RPRD2: variants seen among roughly 807,000 people sequenced by gnomAD.
RPRD2 encodes regulation of nuclear pre-mRNA domain-containing protein 2.
In RPRD2, 12 loss-of-function variants were observed where a neutral mutation model predicts 104.4. That is an observed-to-expected ratio of 0.11 (90% CI 0.07 to 0.19). The LOEUF (loss-of-function observed/expected upper bound fraction) is 0.19. RPRD2 is among the 10% of genes least tolerant of loss of function. RPRD2 has a pLI of 1.00. For missense variants in RPRD2, 1,543 were observed against 1,790.1 expected (o/e 0.86, Z 2.49); for synonymous variants, 714 against 684.9 (o/e 1.04, Z -0.66).
chr1:150,380,194 A>C (rs1203051745), intron 1 of RPRD2, among the ~76,000 whole-genome samples: 2 of 152,190 alleles, frequency 1.3e-5, no homozygotes, highest in African/African-American at 4.8e-5. Context: ...TTTAATTCCA[A>C]AAGTGTTAGA....
intron 2 of RPRD2, among the ~76,000 whole-genome samples, chr1:150,436,645 G>A (rs1428246177): frequency 6.6e-6 from 1 of 151,486 alleles, no homozygotes; most frequent in African/African-American, 2.4e-5. Flanking sequence ...GCTCACACCT[G>A]TAATCCCAGC....
intron 2 of RPRD2, among the ~76,000 whole-genome samples, chr1:150,418,578 A>C (rs1396376456): frequency 3.3e-5 from 5 of 152,202 alleles, no homozygotes; most frequent in Non-Finnish European, 7.4e-5. Flanking sequence ...ATTCCTATGA[A>C]ATGATCAGAG....
At chr1:150,444,492 C>A in intron 6 of RPRD2, 115 bp downstream of exon 6, 2 of 995,242 alleles carry the variant, frequency 2.0e-6, no homozygotes, top group Non-Finnish European at 2.9e-6. Context: ...GCAGTTGTGG[C>A]ACCTCTGGTT....
intron 1 of RPRD2, among the ~76,000 whole-genome samples, chr1:150,371,741 C>T (rs1439857603): frequency 6.6e-6 from 1 of 152,174 alleles, no homozygotes; most frequent in African/African-American, 2.4e-5. Context: ...AGAATTCAAA[C>T]CCAGGCATTC....
chr1:150,426,738 T>C (rs1019855100), intron 2 of RPRD2, among the ~76,000 whole-genome samples: 2 of 152,230 alleles, frequency 1.3e-5, no homozygotes, highest in East Asian at 1.9e-4. Flanking sequence ...GGAGTTATTG[T>C]TCAATGGGTA....
At chr1:150,409,692 AG>A (rs1326511793) in intron 1 of RPRD2, among the ~76,000 whole-genome samples, 1 of 123,168 alleles carries the variant, frequency 8.1e-6, no homozygotes, top group Non-Finnish European at 1.6e-5. Flanking sequence ...TCTTTCACCC[AG>A]GCTGAAGTGC....
intron 2 of RPRD2, among the ~76,000 whole-genome samples, chr1:150,426,420 A>G (rs1219474858): frequency 2.0e-5 from 3 of 152,170 alleles, no homozygotes; most frequent in Non-Finnish European, 4.4e-5. Context: ...CAGTTTTCCC[A>G]TCTGTAAAAT....
chr1:150,405,454 T>A (rs1663396283), intron 1 of RPRD2, among the ~76,000 whole-genome samples: 1 of 152,110 alleles, frequency 6.6e-6, no homozygotes, highest in Non-Finnish European at 1.5e-5. Context: ...ATATGCATGA[T>A]TTGTGCTATA....
At chr1:150,450,188 G>T (rs1368607696) in intron 7 of RPRD2, among the ~76,000 whole-genome samples, 2 of 152,104 alleles carry the variant, frequency 1.3e-5, no homozygotes, top group African/African-American at 2.4e-5. Flanking sequence ...CTTAAGTCCA[G>T]TATGAAGACC....
chr1:150,364,828 G>T lies in RPRD2; in HGVS notation c.114G>T (p.Met38Ile). Reference protein sequence around the residue: ...DRKFQSVTNTMESIQGLSSWC... With the variant: ...DRKFQSVTNTIESIQGLSSWC... ...AATTCCAGTCGGTAACCAACACCAT[G>T]GAGTCCATTCAAGGCTTGTCGTCTT... Residue 38 changes from methionine to isoleucine, a missense_variant, in exon 1 of 11, where the codon ATG (methionine) becomes ATT (isoleucine). By Grantham distance (10) the Met-to-Ile change is conservative. Around this residue, in one of 4 missense-constraint regions of RPRD2, gnomAD observed 88 missense variants for 96.6 expected, o/e 0.91. Transcript: ENST00000369068. The T allele has an allele frequency of 6.2e-7, 1 of 1,613,932 alleles. No individual in the cohort carries two copies. The highest frequency in any genetic ancestry group is 8.5e-7 in the Non-Finnish European group (1 of 1,179,822).
At chr1:150,390,500 AAAAT>A (rs587743807) in intron 1 of RPRD2, among the ~76,000 whole-genome samples, 14 of 151,940 alleles carry the variant, frequency 9.2e-5, no homozygotes, top group Non-Finnish European at 1.8e-4. Context: ...TCCGTCTCAA[AAAAT>A]AAATAAATAA....
chr1:150,429,311 C>T (rs781969291), intron 2 of RPRD2, among the ~76,000 whole-genome samples: 1 of 151,964 alleles, frequency 6.6e-6, no homozygotes, highest in Non-Finnish European at 1.5e-5. Flanking sequence ...AGGCTGGTCT[C>T]GAACTCCCAA....
chr1:150,403,656 T>TA (rs1271756322), intron 1 of RPRD2, among the ~76,000 whole-genome samples: 1 of 93,092 alleles, frequency 1.1e-5, no homozygotes, highest in African/African-American at 5.2e-5. Context: ...TTACCCAATA[T>TA]TTTTTTTTGT....
chr1:150,385,632 T>C (rs1452479526), intron 1 of RPRD2, among the ~76,000 whole-genome samples: 1 of 152,260 alleles, frequency 6.6e-6, no homozygotes, highest in Non-Finnish European at 1.5e-5. Flanking sequence ...TGCCATGTCC[T>C]TTGACTTTGG....
chr1:150,416,887 A>AAAC (rs1553888686), intron 1 of RPRD2, among the ~76,000 whole-genome samples: 2 of 151,310 alleles, frequency 1.3e-5, no homozygotes, highest in Non-Finnish European at 2.9e-5. Flanking sequence ...AAAAAAAAAA[A>AAAC]AAAACAAAAA....
At chr1:150,459,091 C>T (rs1553898250) in intron 8 of RPRD2, among the ~76,000 whole-genome samples, 1 of 152,150 alleles carries the variant, frequency 6.6e-6, no homozygotes, top group Non-Finnish European at 1.5e-5. Flanking sequence ...CACTTTTGAC[C>T]ATCAAGAATT....
intron 1 of RPRD2, among the ~76,000 whole-genome samples, chr1:150,397,412 A>C (rs1662611059): frequency 6.6e-6 from 1 of 152,148 alleles, no homozygotes; most frequent in African/African-American, 2.4e-5. Flanking sequence ...TGAATTTATA[A>C]TTGTGTAGCC....
intron 2 of RPRD2, among the ~76,000 whole-genome samples, chr1:150,424,326 G>A (rs987601901): frequency 1.3e-5 from 2 of 150,234 alleles, no homozygotes; most frequent in African/African-American, 2.5e-5. Context: ...GTCTCACTCC[G>A]TCGCCCAGGC....
intron 1 of RPRD2, among the ~76,000 whole-genome samples, chr1:150,368,216 T>G (rs1490530470): frequency 4.2e-5 from 6 of 144,386 alleles, no homozygotes; most frequent in African/African-American, 1.5e-4. Context: ...TTTTTTTTTT[T>G]TTTTTTTTAA....
Sources: gnomAD v4.1 joint callset for allele counts (sites outside exome capture counted in the v4.1 genomes callset) on GRCh38, gnomAD v4.1.1 for gene constraint, gnomAD v4.1.1 regional missense constraint, MANE v1.5 for transcripts, NCBI Gene and HGNC (gene_info 2026-07-23, HGNC 2026-07-21) for gene names.